MTHFD1L: variants seen among roughly 807,000 people sequenced by gnomAD.
MTHFD1L encodes the protein methylenetetrahydrofolate dehydrogenase (NADP+ dependent) 1 like.
MTHFD1L carries 81 observed loss-of-function variants against 119.5 expected under a neutral mutation model. The observed-to-expected ratio is 0.68, with a 90% CI of 0.57 to 0.82. The LOEUF (loss-of-function observed/expected upper bound fraction) is 0.82, where lower values mean the gene tolerates loss of function less well. Among genes scored for constraint, MTHFD1L ranks in the 40% least tolerant of loss-of-function variants. The probability of loss-of-function intolerance (pLI) is 0.00; values close to 1 mark genes in which losing one functional copy is unlikely to be tolerated. For synonymous variants in MTHFD1L, 430 were observed against 475.2 expected (o/e 0.90, Z 1.24); for missense variants, 1,125 against 1,253.4 (o/e 0.90, Z 1.55).
intron 16 of MTHFD1L, among the ~76,000 whole-genome samples, chr6:150,950,620 C>T (rs540121090): frequency 3.3e-5 from 5 of 152,166 alleles, no homozygotes; most frequent in African/African-American, 7.2e-5. Flanking sequence ...TCTGCCCACA[C>T]GATCATCAGA....
At chr6:150,932,427 A>G (rs142730596) in intron 11 of MTHFD1L, among the ~76,000 whole-genome samples, 41 of 152,244 alleles carry the variant, frequency 2.7e-4, no homozygotes, top group African/African-American at 9.4e-4. Flanking sequence ...GAGGAATGTA[A>G]TGAACAAAAA....
chr6:151,090,374 T>C (rs1794264510), intron 26 of MTHFD1L, among the ~76,000 whole-genome samples: 2 of 152,232 alleles, frequency 1.3e-5, no homozygotes, highest in Admixed American at 6.5e-5. Context: ...TGAGGCCACA[T>C]TGTGCAGTTC....
Position 150,951,939 on chromosome 6 carries a change from A to G in MTHFD1L, c.1726+2806A>G, listed in dbSNP as rs779394526. On this transcript the variant is annotated intron_variant, in intron 16 of 27. Transcript: ENST00000367321. ...TGCTAAAAGAGAAAGTTTTATGCCAATTGGTATTCTTTGGTGTCTGCTTTG... is the reference window on the plus strand; with the variant it reads ...TGCTAAAAGAGAAAGTTTTATGCCAGTTGGTATTCTTTGGTGTCTGCTTTG... Among the ~76,000 whole-genome samples, 9 of 152,316 alleles carry G rather than the reference A, an allele frequency of 5.9e-5. No homozygotes were observed. In the East Asian group the frequency reaches 7.7e-4, roughly 13 times the overall value.
intron 15 of MTHFD1L, among the ~76,000 whole-genome samples, chr6:150,945,835 C>A (rs1186763754): frequency 6.6e-6 from 1 of 152,094 alleles, no homozygotes; most frequent in East Asian, 1.9e-4. Flanking sequence ...CTCTAGTCAA[C>A]TGACAAGTTA....
intron 20 of MTHFD1L, among the ~76,000 whole-genome samples, chr6:150,988,011 C>T (rs1157153084): frequency 2.6e-5 from 4 of 152,160 alleles, no homozygotes; most frequent in African/African-American, 9.7e-5. Context: ...GATTGATTTT[C>T]AATGAGATAT....
chr6:150,916,844 C>T (rs925956864), intron 8 of MTHFD1L, among the ~76,000 whole-genome samples: 1 of 144,002 alleles, frequency 6.9e-6, no homozygotes, highest in Admixed American at 7.4e-5. Flanking sequence ...CTCACTGCAA[C>T]CTCGGCCTCC....
In MTHFD1L at chr6:150,973,149, T is replaced by C. The variant is rs1023222970; in HGVS notation, c.2125+1091T>C. 2.6e-5 allele frequency among the ~76,000 whole-genome samples: 4 copies of C among 152,252 alleles called. No homozygotes were observed. In the South Asian group the frequency reaches 8.3e-4, roughly 31 times the overall value. On this transcript the variant is annotated intron_variant, in intron 20 of 27. Transcript: ENST00000367321. ...TAATCGGAGACAGCAATCTCTTCTT[T>C]CACTCTTATCATCAGCTTTGGATCA...
intron 26 of MTHFD1L, among the ~76,000 whole-genome samples, chr6:151,054,005 A>C (rs763955717): frequency 6.6e-6 from 1 of 152,108 alleles, no homozygotes; most frequent in Non-Finnish European, 1.5e-5. Flanking sequence ...TTTAACTTTT[A>C]ATTTTAACTT....
intron 20 of MTHFD1L, among the ~76,000 whole-genome samples, chr6:150,972,998 A>G (rs908006640): frequency 3.9e-5 from 6 of 152,346 alleles, no homozygotes; most frequent in Non-Finnish European, 5.9e-5. Flanking sequence ...TAAGGCAGCA[A>G]GGAAACAAAA....
chr6:151,087,648 CAG>C (rs1477060721), intron 26 of MTHFD1L, among the ~76,000 whole-genome samples: 1 of 152,158 alleles, frequency 6.6e-6, no homozygotes, highest in African/African-American at 2.4e-5. Flanking sequence ...CTTTATGAAA[CAG>C]AATCTTTAAT....
At chr6:151,077,350 C>T (rs1173774511) in intron 26 of MTHFD1L, among the ~76,000 whole-genome samples, 1 of 152,180 alleles carries the variant, frequency 6.6e-6, no homozygotes, top group Non-Finnish European at 1.5e-5. Context: ...GACTTTTCAA[C>T]GGTAATACTG....
intron 21 of MTHFD1L, among the ~76,000 whole-genome samples, chr6:151,013,275 G>A (rs1782557984): frequency 6.6e-6 from 1 of 152,148 alleles, no homozygotes. Context: ...AGCTACTGGG[G>A]AGGCTGAGGC....
At chr6:150,977,475 G>T (rs1389821241) in intron 20 of MTHFD1L, among the ~76,000 whole-genome samples, 1 of 152,130 alleles carries the variant, frequency 6.6e-6, no homozygotes, top group African/African-American at 2.4e-5. Context: ...AGTCCTCATG[G>T]GAGTTCACCT....
chr6:151,098,106 G>A (rs1255058425), intron 27 of MTHFD1L, among the ~76,000 whole-genome samples: 2 of 152,152 alleles, frequency 1.3e-5, no homozygotes, highest in Non-Finnish European at 2.9e-5. Context: ...CCCAGGAGGT[G>A]GAGGCTGCAG....
intron 7 of MTHFD1L, among the ~76,000 whole-genome samples, chr6:150,902,024 C>G (rs1002910220): frequency 3.3e-5 from 5 of 152,038 alleles, no homozygotes. Context: ...CTCAGATTCT[C>G]ATATGATATG....
Position 150,865,936 on chromosome 6 carries a change from CGGCGGCGGT to C in MTHFD1L, c.118_126del (p.Gly40_Gly42del), listed in dbSNP as rs1381700759. ...GCGCTAGCAGCGGCGGCGGCGGAGG[CGGCGGCGGT>C]GGCCGGGAGGGCCTGCTTGGACAGC... is the stretch of plus-strand genomic sequence containing the variant. On this transcript the variant is annotated inframe_deletion, in exon 1 of 28. Coordinates refer to ENST00000367321, the MANE Select transcript of MTHFD1L (RefSeq NM_015440.5). 1.7e-6 allele frequency: 2 copies of C among 1,211,652 alleles called. No individual in the cohort carries two copies. Among genetic ancestry groups the C allele is most frequent in the Non-Finnish European group, 1.0e-6 (1 of 978,560 alleles). The allele number at this position is 1,211,652 out of a possible 1,614,324, so 75.1% of individuals were successfully genotyped here.
rs562817922 is a variant in MTHFD1L at position 151,084,448 on chromosome 6, G to A, written c.2848-8019G>A. Among the ~76,000 whole-genome samples, 10 of 152,274 alleles carry A rather than the reference G, an allele frequency of 6.6e-5. No individual in the cohort carries two copies. The East Asian group carries it at 1.7e-3, about 27-fold the overall frequency. ...GTAATACCTGGGGTCGGGGCTGGGG[G>A]AAGCTTTCTAAGTACAGGCAGGGTC... On this transcript the variant is annotated intron_variant, in intron 26 of 27. Transcript: ENST00000367321.
chr6:151,067,526 G>T (rs1584385482), intron 26 of MTHFD1L, among the ~76,000 whole-genome samples: 1 of 152,268 alleles, frequency 6.6e-6, no homozygotes, highest in East Asian at 1.9e-4. Context: ...GCTTCACCAC[G>T]TTGGCCAGGC....
rs551381943 is a variant in MTHFD1L at position 150,879,624 on chromosome 6, G to GTT, written c.417+1818_417+1819dup. On this transcript the variant is annotated intron_variant, in intron 4 of 27. Coordinates refer to ENST00000367321, the MANE Select transcript of MTHFD1L (RefSeq NM_015440.5). ...TTCTTTAGGTTGTTTTGCCACTGGT[G>GTT]TTTTTTTTTTTTTTTTTTTTTCTGA... is the stretch of plus-strand genomic sequence containing the variant. Among the ~76,000 whole-genome samples, 1,012 of 107,850 alleles carry GTT rather than the reference G, an allele frequency of 9.4e-3. 33 individuals carry two copies. Among genetic ancestry groups the GTT allele is most frequent in the African/African-American group, 0.026 (695 of 26,466 alleles). The allele number at this position is 107,850 out of a possible 152,430, so 70.8% of individuals were successfully genotyped here.
Sources: allele counts gnomAD v4.1 joint callset (sites outside exome capture counted in the v4.1 genomes callset), GRCh38; gene constraint gnomAD v4.1.1; transcripts MANE v1.5; gene names NCBI Gene and HGNC (gene_info 2026-07-23, HGNC 2026-07-21).